The following PUM2 variants were observed in gnomAD, a reference collection of about 807,000 sequenced individuals.
PUM2 encodes the protein pumilio RNA binding family member 2.
A neutral mutation model predicts 124.5 loss-of-function variants in PUM2; 57 were observed. The ratio of observed to expected loss-of-function variants is 0.46; its 90% CI spans 0.37 to 0.57. PUM2 has a LOEUF of 0.57. PUM2 is among the 20% of genes least tolerant of loss of function. The pLI, the probability that PUM2 is intolerant of heterozygous loss-of-function variation, is 0.00. For synonymous variants in PUM2, 460 were observed against 446.1 expected (o/e 1.03, Z -0.39); for missense variants, 1,065 against 1,290.6 (o/e 0.83, Z 2.68).
At chr2:20,260,734 C>T (rs1029772440) in intron 14 of PUM2, among the ~76,000 whole-genome samples, 17 of 152,086 alleles carry the variant, frequency 1.1e-4, no homozygotes, top group Admixed American at 4.6e-4. Context: ...AAGAAAATTA[C>T]GTAAATTTTG....
Position 20,345,357 on chromosome 2 carries a change from G to A in PUM2, c.-19+5240C>T, listed in dbSNP as rs141000812. ...ATTCCTGGACTCAAGTGATCGTCCC[G>A]CCTCAGTCTCCCAAAGTGTTGAGAT... On this transcript the variant is annotated intron_variant, in intron 1 of 20. Coordinates refer to ENST00000361078, the MANE Select transcript of PUM2 (RefSeq NM_015317.5). Among the ~76,000 whole-genome samples, 1,373 of 152,084 alleles carry A rather than the reference G, an allele frequency of 9.0e-3. 23 individuals are homozygous for A. Among genetic ancestry groups the A allele is most frequent in the African/African-American group, 0.03 (1,254 of 41,488 alleles).
rs1469900014 is a variant in PUM2 at position 20,251,616 on chromosome 2, G to A, written c.3164C>T (p.Pro1055Leu). ...YYLKNSPDLGPIGGPPNGML is the reference protein window; with the variant it reads ...YYLKNSPDLGLIGGPPNGML The stretch of plus-strand genomic sequence containing the variant: ...CATTCCATTTGGTGGTCCTCCAATA[G>A]GTCCTAGGTCCGGGCTATTCTTCAA... Residue 1055 changes from proline (P) to leucine (L), a missense_variant, in exon 21 of 21, where the codon CCT (proline) becomes CTT (leucine). By Grantham distance (98) the Pro-to-Leu change is moderately conservative. Transcript: ENST00000361078. 2.5e-6 allele frequency: 4 copies of A among 1,613,336 alleles called. No individual in the cohort carries two copies. Among genetic ancestry groups the A allele is most frequent in the Non-Finnish European group, 3.4e-6 (4 of 1,179,606 alleles).
chr2:20,309,478 C>T (rs1679123347), intron 5 of PUM2, among the ~76,000 whole-genome samples: 1 of 150,288 alleles, frequency 6.7e-6, no homozygotes, highest in Non-Finnish European at 1.5e-5. Flanking sequence ...TTAATTTTCA[C>T]AAGGAATTCA....
At chr2:20,319,210 A>G (rs1681718165) in intron 2 of PUM2, among the ~76,000 whole-genome samples, 1 of 152,224 alleles carries the variant, frequency 6.6e-6, no homozygotes, top group Admixed American at 6.5e-5. Flanking sequence ...TCTATCCTAT[A>G]CTGTGACATG....
At chr2:20,307,147 C>T (rs889366030) in intron 7 of PUM2, among the ~76,000 whole-genome samples, 5 of 152,008 alleles carry the variant, frequency 3.3e-5, no homozygotes, top group Non-Finnish European at 5.9e-5. Context: ...ACCCAGAAGG[C>T]GGAGGCTGAA....
chr2:20,315,060 C>CT (rs11327686), intron 3 of PUM2, among the ~76,000 whole-genome samples: 3,469 of 124,850 alleles, frequency 0.028, 60 homozygotes, highest in Middle Eastern at 0.04. Context: ...AAGTGTGCTT[C>CT]TTTTTTTTTT....
intron 8 of PUM2, 48 bp from the exon 9 acceptor site, chr2:20,294,566 T>C (rs1375940790): frequency 5.8e-6 from 9 of 1,549,324 alleles, no homozygotes; most frequent in Non-Finnish European, 7.0e-6. Context: ...AGATTTTACA[T>C]AGACATGAGG....
intron 14 of PUM2, among the ~76,000 whole-genome samples, chr2:20,261,188 C>T (rs571317457): frequency 1.3e-5 from 2 of 151,872 alleles, no homozygotes; most frequent in East Asian, 1.9e-4. Context: ...GTCAGGAGTT[C>T]GAGACCAGCC....
At chr2:20,282,160 G>A (rs1370474599) in intron 12 of PUM2, among the ~76,000 whole-genome samples, 6 of 152,190 alleles carry the variant, frequency 3.9e-5, no homozygotes, top group Admixed American at 3.9e-4. Context: ...TGTTTCCTGA[G>A]TACTGTGGAA....
At chr2:20,265,936 C>T (rs1314978548) in intron 13 of PUM2, among the ~76,000 whole-genome samples, 1 of 152,092 alleles carries the variant, frequency 6.6e-6, no homozygotes, top group East Asian at 1.9e-4. Flanking sequence ...ATGAAGAAGC[C>T]GGTTTTATTT....
intron 1 of PUM2, among the ~76,000 whole-genome samples, chr2:20,340,121 G>T (rs769401070): frequency 2.6e-4 from 40 of 151,988 alleles, no homozygotes; most frequent in Non-Finnish European, 4.7e-4. Context: ...GCTTTGTAAT[G>T]TATTCTTTAA....
At chr2:20,276,225 T>C (rs1484873450) in intron 13 of PUM2, among the ~76,000 whole-genome samples, 1 of 151,558 alleles carries the variant, frequency 6.6e-6, no homozygotes, top group Admixed American at 6.6e-5. Flanking sequence ...AAAATACATG[T>C]GTTGGTTATA....
At chr2:20,304,783 A>G (rs1396792263) in intron 7 of PUM2, among the ~76,000 whole-genome samples, 1 of 152,234 alleles carries the variant, frequency 6.6e-6, no homozygotes, top group Admixed American at 6.5e-5. Context: ...AAAGAATGCA[A>G]AAATTCTCAT....
chr2:20,308,584 A>G lies in PUM2; in HGVS notation c.519T>C (p.Asn173=), dbSNP rs1678895514. 6.3e-7 allele frequency: 1 copy of G among 1,596,556 alleles called. No homozygotes were observed. ...AGGCTTGACGACTTCCAGGAGTACG[A>G]CTACATAAAGAAAATAGAAAAGCAT... ...NGMDADCKDF[N]RTPGSRQASP... Residue 173 remains asparagine (N), a splice_region_variant and synonymous_variant, in exon 6 of 21, where the codon AAT becomes AAC. Transcript: ENST00000361078.
At chr2:20,343,392 C>A (rs1200548063) in intron 1 of PUM2, among the ~76,000 whole-genome samples, 1 of 151,928 alleles carries the variant, frequency 6.6e-6, no homozygotes, top group Non-Finnish European at 1.5e-5. Flanking sequence ...GCACTCCAGC[C>A]TGGATGACAG....
chr2:20,318,731 T>C (rs891929895), intron 2 of PUM2, 86 bp from the exon 3 acceptor site: 23 of 858,362 alleles, frequency 2.7e-5, no homozygotes, highest in Non-Finnish European at 3.9e-5. Context: ...CACTGCTATG[T>C]ATACATTAGT....
intron 7 of PUM2, among the ~76,000 whole-genome samples, chr2:20,300,916 C>A (rs764166764): frequency 1.3e-5 from 2 of 152,138 alleles, no homozygotes; most frequent in Non-Finnish European, 2.9e-5. Context: ...TATCTGATTT[C>A]TTCACCAAGC....
At chr2:20,282,853 T>C in intron 12 of PUM2, 94 bp downstream of exon 12, 2 of 1,334,126 alleles carry the variant, frequency 1.5e-6, no homozygotes, top group Non-Finnish European at 2.0e-6. Flanking sequence ...CTGTCCTTCC[T>C]ATCCTACATG....
rs774503909 is a variant in PUM2, at chr2:20,263,230, G to A, written c.2188C>T (p.His730Tyr). Reference protein sequence around the residue: ...PNLQLRDLIGHIVEFSQDQHG... With the variant: ...PNLQLRDLIGYIVEFSQDQHG... ...TGGTCTTGAGAAAACTCAACTATAT[G>A]TCCAATCAAGTCTCTAAGCTGAAGG... is the stretch of plus-strand genomic sequence containing the variant. The change falls in exon 14 of 21, where the codon CAT (histidine) becomes TAT (tyrosine). Residue 730 changes from histidine (H) to tyrosine (Y), a missense_variant. Coordinates refer to ENST00000361078, the MANE Select transcript of PUM2 (RefSeq NM_015317.5). 1.2e-6 allele frequency: 2 copies of A among 1,603,020 alleles called. No homozygotes were observed. The highest frequency in any genetic ancestry group is 3.3e-5 in the Admixed American group (2 of 60,004).
Sources: allele counts gnomAD v4.1 joint callset (sites outside exome capture counted in the v4.1 genomes callset), GRCh38; gene constraint gnomAD v4.1.1; transcripts MANE v1.5; gene names NCBI Gene and HGNC (gene_info 2026-07-23, HGNC 2026-07-21).